The following IGF1R variants were observed in gnomAD, a reference collection of about 807,000 sequenced individuals.
The protein encoded by IGF1R is insulin-like growth factor 1 receptor.
In IGF1R, 44 loss-of-function variants were observed where a neutral mutation model predicts 144.6. The observed-to-expected ratio is 0.30, with a 90% confidence interval of 0.24 to 0.39. The LOEUF is 0.39. Among genes scored for constraint, IGF1R ranks in the 10% least tolerant of loss-of-function variants. The probability of loss-of-function intolerance (pLI) is 1.00; values close to 1 mark genes in which losing one functional copy is unlikely to be tolerated. For missense variants in IGF1R, 1,355 were observed against 1,833.7 expected, an observed-to-expected ratio of 0.74 and a Z score of 4.77; for synonymous variants, 795 against 722.8, an observed-to-expected ratio of 1.10 and a Z score of -1.60.
chr15:98,938,156 A>G (rs948260001), intron 17 of IGF1R, among the ~76,000 whole-genome samples: 2 of 152,226 alleles, frequency 1.3e-5, no homozygotes, highest in African/African-American at 4.8e-5. Flanking sequence ...GCCACGCACC[A>G]CTGGGCACTT....
intron 13 of IGF1R, among the ~76,000 whole-genome samples, chr15:98,929,312 A>G (rs2015849489): frequency 6.6e-6 from 1 of 152,202 alleles, no homozygotes; most frequent in Non-Finnish European, 1.5e-5. Flanking sequence ...CTATTGCACC[A>G]GAATATACTG....
chr15:98,900,671 C>A (rs1469863980), intron 5 of IGF1R: 1 of 152,272 alleles, frequency 6.6e-6, no homozygotes, highest in African/African-American at 2.4e-5. Flanking sequence ...TAAAAAACTT[C>A]TTTCTCATTG....
At chr15:98,674,800 C>G (rs2052990519) in intron 1 of IGF1R, among the ~76,000 whole-genome samples, 1 of 151,700 alleles carries the variant, frequency 6.6e-6, no homozygotes, top group African/African-American at 2.4e-5. Context: ...GAGATTTTCC[C>G]CCTAGACTTA....
At chr15:98,713,836 C>T (rs1263934322) in intron 2 of IGF1R, among the ~76,000 whole-genome samples, 1 of 152,150 alleles carries the variant, frequency 6.6e-6, no homozygotes, top group Non-Finnish European at 1.5e-5. Flanking sequence ...ACTTTTTAAC[C>T]CATTGGGATG....
intron 2 of IGF1R, among the ~76,000 whole-genome samples, chr15:98,825,081 C>CA (rs1488753741): frequency 6.6e-6 from 1 of 152,174 alleles, no homozygotes; most frequent in East Asian, 1.9e-4. Context: ...TCAAGTGATC[C>CA]ACCTGCCTTG....
At chr15:98,787,982 G>A (rs1166811834) in intron 2 of IGF1R, among the ~76,000 whole-genome samples, 1 of 151,814 alleles carries the variant, frequency 6.6e-6, no homozygotes, top group Non-Finnish European at 1.5e-5. Flanking sequence ...CACCACGCTT[G>A]ATGGCAGATT....
chr15:98,661,794 C>T (rs58858611), intron 1 of IGF1R, among the ~76,000 whole-genome samples: 5,161 of 152,168 alleles, frequency 0.034, 304 homozygotes, highest in African/African-American at 0.12. Flanking sequence ...GATAATGTAT[C>T]CAAGCTGCCC....
chr15:98,823,570 A>G (rs2056839612), intron 2 of IGF1R, among the ~76,000 whole-genome samples: 1 of 152,186 alleles, frequency 6.6e-6, no homozygotes, highest in Admixed American at 6.5e-5. Flanking sequence ...GTACGGCCAA[A>G]ACCATTTCTT....
rs191148987 is a variant in IGF1R, at chr15:98,743,788, T to C, written c.640+35681T>C. On this transcript the variant is annotated intron_variant, in intron 2 of 20. Coordinates refer to ENST00000650285, the MANE Select transcript of IGF1R (RefSeq NM_000875.5). ...AGGGAGGAAGCCAATCAGGAAGCAA[T>C]TGGAGTAGGCAATGCAAAAGGCAAA... Among the ~76,000 whole-genome samples, 856 of 152,156 alleles carry C rather than the reference T, an allele frequency of 5.6e-3. 4 individuals are homozygous for C. The highest frequency in any genetic ancestry group is 9.7e-3 in the Non-Finnish European group (663 of 68,002).
intron 1 of IGF1R, among the ~76,000 whole-genome samples, chr15:98,682,378 C>T (rs2053212950): frequency 6.6e-6 from 1 of 152,086 alleles, no homozygotes; most frequent in South Asian, 2.1e-4. Flanking sequence ...ATTGAAGAAG[C>T]ATATCTGTGC....
intron 2 of IGF1R, among the ~76,000 whole-genome samples, chr15:98,782,809 T>TA (rs2055889816): frequency 6.6e-6 from 1 of 152,264 alleles, no homozygotes; most frequent in South Asian, 2.1e-4. Flanking sequence ...CTAATTACTG[T>TA]AATTGCTCAT....
At chr15:98,684,896 G>C (rs1014922674) in intron 1 of IGF1R, among the ~76,000 whole-genome samples, 1 of 150,734 alleles carries the variant, frequency 6.6e-6, no homozygotes, top group Non-Finnish European at 1.5e-5. Context: ...CACACTGTAG[G>C]CTCCCTCCAT....
intron 20 of IGF1R, among the ~76,000 whole-genome samples, chr15:98,955,221 A>C (rs1187903556): frequency 6.6e-6 from 1 of 152,148 alleles, no homozygotes; most frequent in Admixed American, 6.5e-5. Flanking sequence ...ATGGCATTCT[A>C]CCGTGGGGTA....
intron 13 of IGF1R, among the ~76,000 whole-genome samples, chr15:98,927,073 C>T (rs1009113067): frequency 2.0e-5 from 3 of 152,170 alleles, no homozygotes; most frequent in African/African-American, 7.2e-5. Context: ...GTTTTGGTGA[C>T]ATGACATGTT....
At chr15:98,934,329 T>C (rs1006552403) in intron 15 of IGF1R, among the ~76,000 whole-genome samples, 5 of 152,186 alleles carry the variant, frequency 3.3e-5, no homozygotes, top group African/African-American at 1.2e-4. Flanking sequence ...TATGTGACTC[T>C]GGCCTTTTTC....
intron 2 of IGF1R, among the ~76,000 whole-genome samples, chr15:98,796,164 A>T (rs1422214099): frequency 1.6e-5 from 1 of 60,850 alleles, no homozygotes; most frequent in East Asian, 6.4e-4. Flanking sequence ...TGGGCCCAGC[A>T]TCGTGTGGGC....
intron 2 of IGF1R, among the ~76,000 whole-genome samples, chr15:98,867,157 GA>G (rs1555454649): frequency 1.6e-4 from 10 of 61,362 alleles, no homozygotes; most frequent in African/African-American, 4.4e-4. Context: ...GAAAGGGGGA[GA>G]GAGAGAGAGA....
At chr15:98,897,289 G>T in intron 4 of IGF1R, 2 of 208,412 alleles carry the variant, frequency 9.6e-6, no homozygotes, top group South Asian at 8.6e-5. Context: ...AAAGAGTTTT[G>T]GTTACTTGAA....
intron 2 of IGF1R, among the ~76,000 whole-genome samples, chr15:98,709,859 G>A (rs1215124309): frequency 6.6e-6 from 1 of 152,150 alleles, no homozygotes; most frequent in African/African-American, 2.4e-5. Flanking sequence ...GTGGAGAGTT[G>A]TTCACGAACT....
Sources: allele counts gnomAD v4.1 joint callset (sites outside exome capture counted in the v4.1 genomes callset), GRCh38; gene constraint gnomAD v4.1.1; transcripts MANE v1.5; gene names NCBI Gene and HGNC (gene_info 2026-07-23, HGNC 2026-07-21).